The following LGALS8 variants were observed in gnomAD, a reference collection of about 807,000 sequenced individuals.
LGALS8 encodes the protein galectin-8.
A neutral mutation model predicts 35.9 loss-of-function variants in LGALS8; 30 were observed. The observed-to-expected ratio is 0.83, with a 90% CI of 0.62 to 1.13. The LOEUF (loss-of-function observed/expected upper bound fraction) is 1.13. Ranked by LOEUF, LGALS8 falls within the 50% of genes most tolerant of loss-of-function variation. The pLI is 0.00. For synonymous variants in LGALS8, 138 were observed against 136.1 expected (o/e 1.01, Z -0.10); for missense variants, 366 against 388.7 (o/e 0.94, Z 0.49).
At chr1:236,536,160 A>G (rs1661488460) in intron 2 of LGALS8, 1 of 152,236 alleles carries the variant, frequency 6.6e-6, no homozygotes, top group South Asian at 2.1e-4. Flanking sequence ...AGGAGCCACC[A>G]ATTTATAACC....
intron 4 of LGALS8, 45 bp from the exon 5 acceptor site, chr1:236,540,517 GTT>G: frequency 3.1e-6 from 4 of 1,280,374 alleles, no homozygotes; most frequent in Admixed American, 3.0e-5. Context: ...TTTATTAACT[GTT>G]TTTTTTTGGT....
At chr1:236,538,107 A>AAAAAAAAAG (rs1204081676) in intron 3 of LGALS8, among the ~76,000 whole-genome samples, 1 of 150,818 alleles carries the variant, frequency 6.6e-6, no homozygotes, top group African/African-American at 2.4e-5. Flanking sequence ...AAGAAAAAGA[A>AAAAAAAAAG]AAAGAATTAG....
chr1:236,542,134 C>T (rs2799411), intron 6 of LGALS8, among the ~76,000 whole-genome samples: 92,945 of 151,992 alleles, frequency 0.61, 29,314 homozygotes, highest in Non-Finnish European at 0.69. Flanking sequence ...ACAGACAGAA[C>T]AGAATCTTAG....
In LGALS8 at chr1:236,544,836, ATTCTT is replaced by A; in HGVS notation, c.731_735del (p.Phe244SerfsTer17). On this transcript the variant is annotated frameshift_variant, in exon 9 of 10. Transcript: ENST00000366584. LOFTEE classifies it high-confidence loss of function. ...CTGAATATTAAAGCATTTGTAAGAA[ATTCTT>A]TTCTTCAGGAGTCCTGGGGAGAAGA... 6.2e-7 allele frequency: 1 copy of A among 1,613,898 alleles called. No homozygotes were observed. The highest frequency in any genetic ancestry group is 8.5e-7 in the Non-Finnish European group (1 of 1,179,768).
Position 236,550,877 on chromosome 1 carries a change from A to G in LGALS8, c.*2716A>G. 2.6e-6 allele frequency: 4 copies of G among 1,530,966 alleles called. No homozygotes were observed. The highest frequency in any genetic ancestry group is 3.5e-6 in the Non-Finnish European group (4 of 1,129,666). 94.8% of individuals were successfully genotyped at this position (1,530,966 alleles called of 1,614,324 possible). A position where few individuals can be genotyped will look rare whatever the true frequency, so the allele number is the denominator to read the frequency against. On this transcript the variant is annotated 3_prime_UTR_variant, in exon 10 of 10. Transcript: ENST00000366584. ...TGAAATATGAGTGTGAACTCTGAGT[A>G]GAGTATGAAACACCACAGAAAGTCT...
chr1:236,526,181 C>A lies in LGALS8; in HGVS notation c.45+66C>A. On this transcript the variant is annotated intron_variant, in intron 2 of 9. Coordinates refer to ENST00000366584, the MANE Select transcript of LGALS8 (RefSeq NM_201544.4). The surrounding 1 kb of genome is among the most constrained non-coding windows in gnomAD (Gnocchi z 4.6). ...ACAGATCCAATAGAATATTAATTAT[C>A]CATTGGGAGACAGGGCAAGAATAAA... 5 of 1,150,790 alleles carry A rather than the reference C, an allele frequency of 4.3e-6. No homozygotes were observed. The highest frequency in any genetic ancestry group is 1.3e-5 in the South Asian group (1 of 77,914). 71.3% of individuals were successfully genotyped at this position (1,150,790 alleles called of 1,614,324 possible).
chr1:236,527,731 A>G (rs1220453362), intron 2 of LGALS8, among the ~76,000 whole-genome samples: 3 of 146,278 alleles, frequency 2.1e-5, no homozygotes, highest in Non-Finnish European at 4.4e-5. Flanking sequence ...TTATTCAATT[A>G]ATTTTTTTTT....
intron 4 of LGALS8, chr1:236,540,260 C>G (rs543142664): frequency 3.9e-6 from 1 of 258,758 alleles, no homozygotes; most frequent in Non-Finnish European, 7.2e-6. Flanking sequence ...AGGCGACCTT[C>G]GAACCCAGAT....
chr1:236,546,301 A>G (rs2298097), intron 9 of LGALS8, among the ~76,000 whole-genome samples: 4,532 of 152,310 alleles, frequency 0.03, 126 homozygotes, highest in Admixed American at 0.093. Flanking sequence ...AGCAGTAATT[A>G]TCCTTGTGTT....
chr1:236,534,207 G>C (rs1359554262), intron 2 of LGALS8, among the ~76,000 whole-genome samples: 2 of 152,158 alleles, frequency 1.3e-5, no homozygotes, highest in African/African-American at 4.8e-5. Context: ...TATGGAAAGG[G>C]ATACCAATTT....
In LGALS8 at chr1:236,550,721, G is replaced by C; in HGVS notation, c.*2560G>C. On this transcript the variant is annotated 3_prime_UTR_variant, in exon 10 of 10. Transcript: ENST00000366584. ...TTCTGCAGCTCTATACGATAGGCAG[G>C]AGAGGCTTATGTGGCAGCACAAGCC... 1 of 538,342 alleles carries C rather than the reference G, an allele frequency of 1.9e-6. No individual in the cohort carries two copies. Among genetic ancestry groups the C allele is most frequent in the South Asian group, 2.8e-5 (1 of 35,590 alleles). The allele number at this position is 538,342 out of a possible 1,614,324, so 33.3% of individuals were successfully genotyped here. A position where few individuals can be genotyped will look rare whatever the true frequency, so the allele number is the denominator to read the frequency against.
chr1:236,522,273 C>G (rs1411112301), upstream of LGALS8, among the ~76,000 whole-genome samples: 2 of 152,116 alleles, frequency 1.3e-5, no homozygotes, highest in Non-Finnish European at 2.9e-5. Flanking sequence ...TTTATGTGTA[C>G]TTATTTCAAC....
chr1:236,541,781 C>A, intron 6 of LGALS8, 71 bp downstream of exon 6: 1 of 768,936 alleles, frequency 1.3e-6, no homozygotes, highest in Non-Finnish European at 2.1e-6. Context: ...AATGAAATGG[C>A]AAGAAGGCTG....
Position 236,549,586 on chromosome 1 carries a change from C to T in LGALS8, c.*1425C>T, listed in dbSNP as rs1662619801. On this transcript the variant is annotated 3_prime_UTR_variant, in exon 10 of 10. Coordinates refer to ENST00000366584, the MANE Select transcript of LGALS8 (RefSeq NM_201544.4). ...AGCCCTTAATTCTTTTCCAGCTTTT[C>T]ATATTAATGTATGCAGAGTCTCACC... The T allele has an allele frequency of 6.6e-6, 1 of 152,130 alleles. No individual in the cohort carries two copies. Among genetic ancestry groups the T allele is most frequent in the Non-Finnish European group, 1.5e-5 (1 of 68,044 alleles). 9.4% of individuals were successfully genotyped at this position (152,130 alleles called of 1,614,324 possible).
rs371238098 is a variant in LGALS8, at chr1:236,548,101, C to T, written c.894C>T (p.Ser298=). ...LEYKHRFKEL[S]SIDTLEINGD... is the part of the protein sequence containing the mutation. ...ACAAACACAGATTTAAAGAGCTCAG[C>T]AGTATTGACACGCTGGAAATTAATG... The change falls in exon 10 of 10, where the codon AGC becomes AGT. Residue 298 remains serine, a synonymous_variant. Transcript: ENST00000366584. 3 of 1,613,800 alleles carry T rather than the reference C, an allele frequency of 1.9e-6. No homozygotes were observed. The highest frequency in any genetic ancestry group is 2.7e-5 in the African/African-American group (2 of 74,906).
At chr1:236,543,039 A>C in intron 7 of LGALS8, 1 of 1,613,992 alleles carries the variant, frequency 6.2e-7, no homozygotes, top group Non-Finnish European at 8.5e-7. Context: ...TATGTGTCAA[A>C]GGTTTGAAGA....
intron 2 of LGALS8, among the ~76,000 whole-genome samples, chr1:236,530,368 C>G (rs2794789): frequency 6.6e-6 from 1 of 152,158 alleles, no homozygotes; most frequent in South Asian, 2.1e-4. Flanking sequence ...TTTTTCTTCT[C>G]TTTTTGCTGC....
chr1:236,527,156 A>C (rs1160665239), intron 2 of LGALS8, among the ~76,000 whole-genome samples: 2 of 152,196 alleles, frequency 1.3e-5, no homozygotes, highest in Non-Finnish European at 2.9e-5. Flanking sequence ...GCTGCCTGCC[A>C]CGGGTGTCTG....
chr1:236,531,971 G>A (rs540221407), intron 2 of LGALS8, among the ~76,000 whole-genome samples: 1 of 152,310 alleles, frequency 6.6e-6, no homozygotes, highest in East Asian at 1.9e-4. Context: ...CATAGGATGT[G>A]CTTACATCCT....
Sources: gnomAD v4.1 joint callset for allele counts (sites outside exome capture counted in the v4.1 genomes callset) on GRCh38, gnomAD v4.1.1 for gene constraint, Gnocchi (gnomAD v3.1) non-coding constraint, MANE v1.5 for transcripts, NCBI Gene and HGNC (gene_info 2026-07-23, HGNC 2026-07-21) for gene names.